The following MTM1 variants were observed in gnomAD, a reference collection of about 807,000 sequenced individuals.
MTM1 encodes myotubularin.
MTM1 carries 9 observed loss-of-function variants against 52.1 expected under a neutral mutation model. That is an observed-to-expected ratio of 0.17 (90% CI 0.10 to 0.30). MTM1 has a LOEUF of 0.30. Ranked by LOEUF, MTM1 falls within the 10% of genes least tolerant of loss-of-function variation. MTM1 has a pLI of 1.00. For missense variants in MTM1, 277 were observed against 470.7 expected (o/e 0.59, Z 3.81); for synonymous variants, 136 against 163.8 (o/e 0.83, Z 1.29).
intron 10 of MTM1, among the ~76,000 whole-genome samples, chrX:150,653,643 G>A (rs1292104998): frequency 3.6e-5 from 4 of 112,175 alleles, no homozygotes; most frequent in Admixed American, 9.4e-5. Flanking sequence ...ACCATTCAAT[G>A]TATGAAAGCG....
At chrX:150,594,026 C>T (rs1305390969) in intron 2 of MTM1, among the ~76,000 whole-genome samples, 1 of 110,879 alleles carries the variant, frequency 9.0e-6, no homozygotes, top group African/African-American at 3.3e-5. Context: ...AGTGATTGTT[C>T]ATGTCCTTTA....
intron 10 of MTM1, among the ~76,000 whole-genome samples, chrX:150,654,342 T>A (rs781864113): frequency 7.2e-5 from 8 of 110,721 alleles, no homozygotes; most frequent in Non-Finnish European, 3.8e-5. Context: ...CCAACTTCAT[T>A]AAATTGGACT....
intron 9 of MTM1, among the ~76,000 whole-genome samples, chrX:150,647,677 C>T (rs942288585): frequency 8.9e-6 from 1 of 112,306 alleles, no homozygotes; most frequent in African/African-American, 3.2e-5. Flanking sequence ...TCAGTGTGTG[C>T]TTGACTAATT....
At chrX:150,598,134 A>ATT (rs2039010038) in intron 3 of MTM1, among the ~76,000 whole-genome samples, 1 of 112,043 alleles carries the variant, frequency 8.9e-6, no homozygotes, top group Non-Finnish European at 1.9e-5. Flanking sequence ...TACTGCTGAC[A>ATT]TTTATTTATT....
At chrX:150,576,670 T>C (rs1202700132) in intron 1 of MTM1, among the ~76,000 whole-genome samples, 2 of 111,888 alleles carry the variant, frequency 1.8e-5, no homozygotes, top group African/African-American at 6.5e-5. Context: ...ATCAATCTTA[T>C]TAGTTTGTTC....
At chrX:150,661,024 T>C (rs911582992) in intron 13 of MTM1, among the ~76,000 whole-genome samples, 3 of 111,076 alleles carry the variant, frequency 2.7e-5, no homozygotes, top group Admixed American at 9.6e-5. Context: ...TGTTTGTTTG[T>C]TGTTGTTGTT....
At position 150,658,195 on chromosome X, in the gene MTM1, G is replaced by A. The variant is rs1183944544; in HGVS notation, c.1260+168G>A. Among the ~76,000 whole-genome samples, 3 of 112,132 alleles carry A rather than the reference G, an allele frequency of 2.7e-5. No individual in the cohort carries two copies. The Admixed American group carries it at 2.8e-4, about 11-fold the overall frequency. ...TTGGGTAGTGAAAGTCTTTTTAAGA[G>A]ATATGTTTATCCATCTGCACTGTTT... On this transcript the variant is annotated intron_variant, in intron 11 of 14. Coordinates refer to ENST00000370396, the MANE Select transcript of MTM1 (RefSeq NM_000252.3).
chrX:150,639,155 T>C (rs2039806588), intron 7 of MTM1, 129 bp downstream of exon 7: 2 of 589,397 alleles, frequency 3.4e-6, no homozygotes, highest in East Asian at 3.3e-5. Flanking sequence ...GGTGGTGATA[T>C]TATCCACATT....
At chrX:150,596,721 T>C in intron 3 of MTM1, 151 bp downstream of exon 3, 1 of 468,777 alleles carries the variant, frequency 2.1e-6, no homozygotes, top group Admixed American at 3.2e-5. Flanking sequence ...CTGCATCCCT[T>C]TCTTGATTAA....
At chrX:150,640,342 C>A (rs782129372) in intron 7 of MTM1, among the ~76,000 whole-genome samples, 164 of 111,525 alleles carry the variant, frequency 1.5e-3, no homozygotes, top group African/African-American at 5.2e-3. Flanking sequence ...CCATTATATT[C>A]AATCTTTTTT....
chrX:150,619,221 TC>T, intron 6 of MTM1, 82 bp downstream of exon 6: 1 of 664,162 alleles, frequency 1.5e-6, no homozygotes, highest in Non-Finnish European at 2.5e-6. Flanking sequence ...GGATCCTCTT[TC>T]TTTTAATGTC....
chrX:150,588,346 G>A (rs187172410), intron 1 of MTM1, among the ~76,000 whole-genome samples: 17 of 111,816 alleles, frequency 1.5e-4, no homozygotes, highest in African/African-American at 5.2e-4. Context: ...ACCACTCAGG[G>A]CCATTGATCT....
intron 5 of MTM1, among the ~76,000 whole-genome samples, chrX:150,616,768 T>A (rs1557413153): frequency 2.7e-5 from 3 of 112,149 alleles, no homozygotes; most frequent in African/African-American, 9.7e-5. Context: ...CTTAAAGACA[T>A]AGTGTGGCAT....
chrX:150,648,632 A>G lies in MTM1; in HGVS notation c.868-1084A>G, dbSNP rs781815103. 2.7e-5 allele frequency among the ~76,000 whole-genome samples: 3 copies of G among 113,116 alleles called. No individual in the cohort carries two copies. In the South Asian group the frequency reaches 1.1e-3, roughly 41 times the overall value. On this transcript the variant is annotated intron_variant, in intron 9 of 14. Coordinates refer to ENST00000370396, the MANE Select transcript of MTM1 (RefSeq NM_000252.3). ...ATTTCAAAACGTTTAAGCAGAATGCAGCCAGATTCCTAAATGAAACCATAG... is the reference window on the plus strand; with the variant it reads ...ATTTCAAAACGTTTAAGCAGAATGCGGCCAGATTCCTAAATGAAACCATAG...
chrX:150,655,218 G>T lies in MTM1; in HGVS notation c.1054-2603G>T, dbSNP rs375506450. On this transcript the variant is annotated intron_variant, in intron 10 of 14. Transcript: ENST00000370396. ...CGGGTGCCTGTAGTCCCAGCTACTC[G>T]GGAGGCTGAGGCAGGAGAATGGTGT... is the stretch of plus-strand genomic sequence containing the variant. Among the ~76,000 whole-genome samples the T allele has an allele frequency of 3.0e-4, 33 of 108,264 alleles. 1 individual carries two copies. In the East Asian group the frequency reaches 9.0e-3, roughly 29 times the overall value. The allele number at this position is 108,264 out of a possible 115,157, so 94.0% of individuals were successfully genotyped here.
At chrX:150,612,523 C>T (rs996696975) in intron 4 of MTM1, among the ~76,000 whole-genome samples, 1 of 110,199 alleles carries the variant, frequency 9.1e-6, no homozygotes, top group Non-Finnish European at 1.9e-5. Flanking sequence ...GAGACCCCCC[C>T]ACCATCTCTA....
chrX:150,605,079 G>A (rs1344264051), intron 4 of MTM1, among the ~76,000 whole-genome samples: 1 of 111,846 alleles, frequency 8.9e-6, no homozygotes, highest in Non-Finnish European at 1.9e-5. Flanking sequence ...TCGTTCCGAA[G>A]TATTTGCTAT....
rs34360622 is a variant in MTM1, at chrX:150,634,607, T to TA, written c.445-4325dup. Among the ~76,000 whole-genome samples, 418 of 106,071 alleles carry TA rather than the reference T, an allele frequency of 3.9e-3. 2 individuals carry two copies. The highest frequency in any genetic ancestry group is 0.013 in the African/African-American group (384 of 29,256). The allele number at this position is 106,071 out of a possible 115,157, so 92.1% of individuals were successfully genotyped here. A position where few individuals can be genotyped will look rare whatever the true frequency, so the allele number is the denominator to read the frequency against. On this transcript the variant is annotated intron_variant, in intron 6 of 14. Coordinates refer to ENST00000370396, the MANE Select transcript of MTM1 (RefSeq NM_000252.3). ...CCGGAAACAATGCACATGATTGCTTTAAAAAAAAAAAGTCTCCATGTACAG... is the reference window on the plus strand; with the variant it reads ...CCGGAAACAATGCACATGATTGCTTTAAAAAAAAAAAAGTCTCCATGTACAG...
intron 4 of MTM1, among the ~76,000 whole-genome samples, chrX:150,613,151 AG>A (rs1315484087): frequency 9.6e-6 from 1 of 104,443 alleles, no homozygotes; most frequent in African/African-American, 3.7e-5. Context: ...AAAAAAAAAA[AG>A]GGGGGAAAGA....
Sources: gnomAD v4.1 joint callset for allele counts (sites outside exome capture counted in the v4.1 genomes callset) on GRCh38, gnomAD v4.1.1 for gene constraint, MANE v1.5 for transcripts, NCBI Gene and HGNC (gene_info 2026-07-23, HGNC 2026-07-21) for gene names.